Variants in ABCC3 observed in about 807,000 individuals in gnomAD.
The protein encoded by ABCC3 is ATP binding cassette subfamily C member 3, also known as ATP-binding cassette sub-family C member 3.
ABCC3 carries 121 observed loss-of-function variants against 165.3 expected under a neutral mutation model. The observed-to-expected ratio is 0.73, with a 90% CI of 0.63 to 0.85. The LOEUF is 0.85. Among genes scored for constraint, ABCC3 ranks in the 40% least tolerant of loss-of-function variants. ABCC3 has a pLI of 0.00. For missense variants in ABCC3, 1,869 were observed against 1,964.1 expected (o/e 0.95, Z 0.92); for synonymous variants, 733 against 810.1 (o/e 0.90, Z 1.62).
At chr17:50,673,980 C>T (rs867929418) in intron 19 of ABCC3, among the ~76,000 whole-genome samples, 545 of 9,330 alleles carry the variant, frequency 0.058, 19 homozygotes, top group South Asian at 0.096. Flanking sequence ...TTCTTTCTTT[C>T]TCTCTCTCTC....
chr17:50,642,447 T>C (rs62059744), intron 1 of ABCC3, among the ~76,000 whole-genome samples: 15,386 of 152,294 alleles, frequency 0.1, 886 homozygotes, highest in East Asian at 0.2. Context: ...CAAAGTCCCC[T>C]GGTTGTTGCC....
chr17:50,659,779 G>C (rs111337922), intron 7 of ABCC3, among the ~76,000 whole-genome samples: 15,352 of 152,118 alleles, frequency 0.1, 822 homozygotes, highest in African/African-American at 0.13. Context: ...GAGTCCAAGA[G>C]TTCAAGACCA....
In ABCC3 at chr17:50,673,585, C is replaced by CGGCT. The variant is rs1567835202; in HGVS notation, c.2527_2530dup (p.Ser844TrpfsTer14). On this transcript the variant is annotated frameshift_variant, in exon 19 of 31. Coordinates refer to ENST00000285238, the MANE Select transcript of ABCC3 (RefSeq NM_003786.4). LOFTEE classifies it high-confidence loss of function. ...CGTACCCAGCCCTGCTGCAGCGCAA[C>CGGCT]GGCTCCTTTGCCAACTTTCTCTGCA... 30 of 1,614,212 alleles carry CGGCT rather than the reference C, an allele frequency of 1.9e-5. No individual in the cohort carries two copies. The highest frequency in any genetic ancestry group is 2.4e-5 in the Non-Finnish European group (28 of 1,180,040).
intron 1 of ABCC3, among the ~76,000 whole-genome samples, chr17:50,640,787 T>G (rs2054222679): frequency 6.6e-6 from 1 of 152,208 alleles, no homozygotes; most frequent in African/African-American, 2.4e-5. Context: ...CCTCCCAAAG[T>G]GCTGGGATTA....
chr17:50,686,809 A>AT (rs1425102770), intron 29 of ABCC3, among the ~76,000 whole-genome samples: 4 of 152,276 alleles, frequency 2.6e-5, no homozygotes, highest in African/African-American at 9.6e-5. Flanking sequence ...AGTTGCGGGA[A>AT]TGGGCCAGGG....
chr17:50,656,591 G>C (rs747255857), intron 2 of ABCC3, 111 bp from the exon 3 acceptor site: 6 of 1,434,018 alleles, frequency 4.2e-6, no homozygotes, highest in Non-Finnish European at 5.6e-6. Context: ...CTCAGTGCCA[G>C]TCCCAGGCAG....
chr17:50,684,865 G>A lies in ABCC3; in HGVS notation c.4270G>A (p.Glu1424Lys). The A allele has an allele frequency of 6.2e-7, 1 of 1,613,988 alleles. No homozygotes were observed. The highest frequency in any genetic ancestry group is 8.5e-7 in the Non-Finnish European group (1 of 1,179,982). The change falls in exon 29 of 31, where the codon GAG becomes AAG. Residue 1424 changes from glutamate to lysine, a missense_variant. By Grantham distance (56) the Glu-to-Lys change is moderately conservative. Transcript: ENST00000285238. ...GGACTTCCAGTGCTCAGAGGGCGGG[G>A]AGAATCTCAGGTAAACACTGGGAGT... ...GLDFQCSEGG[E>K]NLSVGQRQLV...
At chr17:50,673,682 G>A in intron 19 of ABCC3, 24 bp downstream of exon 19, 1 of 1,611,440 alleles carries the variant, frequency 6.2e-7, no homozygotes, top group Non-Finnish European at 8.5e-7. Flanking sequence ...TGGGCCCTCT[G>A]ATTCCCATGC....
intron 17 of ABCC3, among the ~76,000 whole-genome samples, 196 bp downstream of exon 17, chr17:50,669,724 G>T (rs950954641): frequency 6.6e-6 from 1 of 152,200 alleles, no homozygotes; most frequent in Non-Finnish European, 1.5e-5. Flanking sequence ...TATTCTAGGA[G>T]CCAGGCTGAA....
At chr17:50,673,302 C>A in intron 18 of ABCC3, 164 bp downstream of exon 18, 1 of 1,224,198 alleles carries the variant, frequency 8.2e-7, no homozygotes, top group Non-Finnish European at 1.1e-6. Flanking sequence ...AACTCCCCCA[C>A]CTGCGAGGTT....
chr17:50,669,315 T>A, intron 16 of ABCC3, 37 bp from the exon 17 acceptor site: 1 of 1,614,162 alleles, frequency 6.2e-7, no homozygotes. Flanking sequence ...CAGCCAGGCC[T>A]TGGGCAAGCC....
At position 50,684,891 on chromosome 17, in the gene ABCC3, G is replaced by A. The variant is rs1306484641; in HGVS notation, c.4280+16G>A. On this transcript the variant is annotated intron_variant, in intron 29 of 30. Coordinates refer to ENST00000285238, the MANE Select transcript of ABCC3 (RefSeq NM_003786.4). ...AGAATCTCAGGTAAACACTGGGAGT[G>A]CAGAGGTCAGGAACTGCAACCCTCC... The A allele has an allele frequency of 6.2e-7, 1 of 1,612,082 alleles. No homozygotes were observed. Among genetic ancestry groups the A allele is most frequent in the African/African-American group, 1.3e-5 (1 of 74,902 alleles).
rs1967822253 is a variant in ABCC3, at chr17:50,676,691, C to T, written c.3378+103C>T. On this transcript the variant is annotated intron_variant, in intron 23 of 30. Coordinates refer to ENST00000285238, the MANE Select transcript of ABCC3 (RefSeq NM_003786.4). Reference sequence around the variant, plus strand: ...GGGACACTTCAGGCCACCAACATTACAGAGTTTTGTTAGGGGCAGTCGTTG... The same window carrying T: ...GGGACACTTCAGGCCACCAACATTATAGAGTTTTGTTAGGGGCAGTCGTTG... 5.2e-6 allele frequency: 6 copies of T among 1,162,702 alleles called. No homozygotes were observed. The East Asian group carries it at 1.5e-4, about 29-fold the overall frequency. 72.0% of individuals were successfully genotyped at this position (1,162,702 alleles called of 1,614,324 possible). A position where few individuals can be genotyped will look rare whatever the true frequency, so the allele number is the denominator to read the frequency against.
At position 50,668,438 on chromosome 17, in the gene ABCC3, GTC is replaced by G; in HGVS notation, c.1795_1796del (p.Leu599GlufsTer13). The G allele has an allele frequency of 6.2e-7, 1 of 1,613,838 alleles. No individual in the cohort carries two copies. Among genetic ancestry groups the G allele is most frequent in the East Asian group, 2.2e-5 (1 of 44,858 alleles). Reference sequence around the variant, plus strand: ...CTCACATCCTCCCGTAGGCCAGTGTGTCTCTGAAACGGATCCAGCAATTCCTG... The same window carrying G: ...CTCACATCCTCCCGTAGGCCAGTGTGTCTGAAACGGATCCAGCAATTCCTG... Reference protein sequence around the residue: ...LISNLTQASVSLKRIQQFLSQ... With the variant: ...LISNLTQASVXLKRIQQFLSQ... On this transcript the variant is annotated frameshift_variant, in exon 14 of 31. Transcript: ENST00000285238. LOFTEE classifies it high-confidence loss of function.
In ABCC3 at chr17:50,691,436, C is replaced by G; in HGVS notation, c.*236C>G. On this transcript the variant is annotated 3_prime_UTR_variant, in exon 31 of 31. Transcript: ENST00000285238. ...AGTTTGAGCCAGTTAGACTAGTCCC[C>G]GGTCTCCCGATTCCCAACTGAGTGT... 2.2e-6 allele frequency: 1 copy of G among 449,122 alleles called. No individual in the cohort carries two copies. The allele number at this position is 449,122 out of a possible 1,614,324, so 27.8% of individuals were successfully genotyped here. A position where few individuals can be genotyped will look rare whatever the true frequency, so the allele number is the denominator to read the frequency against.
At chr17:50,684,329 G>A (rs371491737) in intron 28 of ABCC3, among the ~76,000 whole-genome samples, 1 of 152,098 alleles carries the variant, frequency 6.6e-6, no homozygotes, top group East Asian at 1.9e-4. Context: ...TTGACCTCCT[G>A]GGCCAGCACA....
intron 19 of ABCC3, 95 bp downstream of exon 19, chr17:50,673,753 C>G (rs72837555): frequency 7.6e-7 from 1 of 1,315,872 alleles, no homozygotes; most frequent in African/African-American, 1.5e-5. Flanking sequence ...TAGTGTTGTG[C>G]CAGGCAGGTT....
chr17:50,655,399 T>A (rs1967208223), intron 1 of ABCC3, among the ~76,000 whole-genome samples: 2 of 82,608 alleles, frequency 2.4e-5, no homozygotes, highest in Non-Finnish European at 4.8e-5. Context: ...AGTGAGACTC[T>A]GTCTCAAAAA....
In ABCC3 at chr17:50,675,371, G is replaced by T. The variant is rs373307851; in HGVS notation, c.2609G>T (p.Gly870Val). 97 of 1,612,334 alleles carry T rather than the reference G, an allele frequency of 6.0e-5. No individual in the cohort carries two copies. The highest frequency in any genetic ancestry group is 7.5e-5 in the Non-Finnish European group (88 of 1,179,008). ...HLEDSWTALE[G>V]AEDKEALLIE... ...TCCCACCCTACTGCAGCGTTGGAAGGTGCAGAGGATAAGGAGGCACTGCTG... is the reference window on the plus strand; with the variant it reads ...TCCCACCCTACTGCAGCGTTGGAAGTTGCAGAGGATAAGGAGGCACTGCTG... Residue 870 changes from glycine to valine, a missense_variant, in exon 20 of 31, where the codon GGT (glycine) becomes GTT (valine). By Grantham distance (109) the Gly-to-Val change is moderately radical. Transcript: ENST00000285238.
Sources: allele counts gnomAD v4.1 joint callset (sites outside exome capture counted in the v4.1 genomes callset), GRCh38; gene constraint gnomAD v4.1.1; transcripts MANE v1.5; gene names NCBI Gene and HGNC (gene_info 2026-07-23, HGNC 2026-07-21).